Variants in FRMD4B observed in about 807,000 individuals in gnomAD.
FRMD4B encodes the protein FERM domain containing 4B.
FRMD4B carries 74 observed loss-of-function variants against 141.5 expected under a neutral mutation model. That is an observed-to-expected ratio of 0.52 (90% CI 0.43 to 0.63). FRMD4B has a LOEUF of 0.63. Among genes scored for constraint, FRMD4B ranks in the 30% least tolerant of loss-of-function variants. The probability of loss-of-function intolerance (pLI) is 0.00; values close to 1 mark genes in which losing one functional copy is unlikely to be tolerated. For synonymous variants in FRMD4B, 506 were observed against 467.9 expected, an observed-to-expected ratio of 1.08 and a Z score of -1.05; for missense variants, 1,366 against 1,253.4, an observed-to-expected ratio of 1.09 and a Z score of -1.36.
At chr3:69,265,992 T>A (rs1249186131) in intron 5 of FRMD4B, among the ~76,000 whole-genome samples, 1 of 151,786 alleles carries the variant, frequency 6.6e-6, no homozygotes, top group Non-Finnish European at 1.5e-5. Flanking sequence ...AGCACAGTAG[T>A]TCTAGACCAG....
intron 1 of FRMD4B, among the ~76,000 whole-genome samples, chr3:69,363,710 A>T (rs1703547291): frequency 6.6e-6 from 1 of 152,114 alleles, no homozygotes; most frequent in African/African-American, 2.4e-5. Flanking sequence ...ATTTTCAAGA[A>T]CAGACAGCTT....
At chr3:69,291,120 A>C (rs1188308331) in intron 4 of FRMD4B, among the ~76,000 whole-genome samples, 3 of 152,240 alleles carry the variant, frequency 2.0e-5, no homozygotes, top group African/African-American at 7.2e-5. Context: ...TAAAAGTTAG[A>C]GTAGTCTCAG....
intron 11 of FRMD4B, among the ~76,000 whole-genome samples, chr3:69,204,852 A>C (rs1484176152): frequency 2.6e-5 from 4 of 152,280 alleles, no homozygotes; most frequent in African/African-American, 9.6e-5. Flanking sequence ...CACATGGGGC[A>C]GTACTATTTT....
intron 1 of FRMD4B, among the ~76,000 whole-genome samples, chr3:69,317,936 A>AT (rs891610241): frequency 2.0e-5 from 3 of 151,682 alleles, no homozygotes; most frequent in African/African-American, 7.3e-5. Flanking sequence ...TAACAAATCC[A>AT]TTTTTTTCCC....
At position 69,379,717 on chromosome 3, in the gene FRMD4B, G is replaced by A. The variant is rs115107390; in HGVS notation, c.162+6111C>T. 9.0e-3 allele frequency among the ~76,000 whole-genome samples: 1,377 copies of A among 152,180 alleles called. 20 individuals are homozygous for A. Among genetic ancestry groups the A allele is most frequent in the African/African-American group, 0.031 (1,280 of 41,506 alleles). The stretch of plus-strand genomic sequence containing the variant: ...GGGATTGGCAAACTTTTTCTGTAAA[G>A]GGCTGGATAGTAAATATTTTCAGCT... On this transcript the variant is annotated intron_variant, in intron 1 of 22. Transcript: ENST00000398540.
At chr3:69,365,319 C>T (rs1703606428) in intron 1 of FRMD4B, among the ~76,000 whole-genome samples, 2 of 152,282 alleles carry the variant, frequency 1.3e-5, no homozygotes, top group South Asian at 2.1e-4. Context: ...CTCCAGTATT[C>T]CAAGTATCAT....
intron 2 of FRMD4B, among the ~76,000 whole-genome samples, chr3:69,406,955 C>T (rs1289508367): frequency 1.3e-5 from 2 of 148,414 alleles, no homozygotes; most frequent in Non-Finnish European, 3.0e-5. Context: ...GTTGTGTTGC[C>T]CAGGTTGGTC....
chr3:69,219,123 C>T (rs1284428112), intron 9 of FRMD4B, among the ~76,000 whole-genome samples: 1 of 143,592 alleles, frequency 7.0e-6, no homozygotes, highest in African/African-American at 2.6e-5. Flanking sequence ...CGAGATTGCA[C>T]TATTGCACTC....
intron 7 of FRMD4B, among the ~76,000 whole-genome samples, chr3:69,242,606 T>C (rs2093393935): frequency 6.9e-6 from 1 of 145,230 alleles, no homozygotes; most frequent in Non-Finnish European, 1.5e-5. Flanking sequence ...CAGCACTGAA[T>C]TGCAAAATGT....
chr3:69,296,514 A>G (rs774072831), intron 4 of FRMD4B, among the ~76,000 whole-genome samples: 2 of 152,176 alleles, frequency 1.3e-5, no homozygotes, highest in Non-Finnish European at 2.9e-5. Context: ...GTTAGGGGTC[A>G]TGGGTGATAC....
At chr3:69,332,742 A>AT (rs58437578) in intron 1 of FRMD4B, among the ~76,000 whole-genome samples, 948 of 67,564 alleles carry the variant, frequency 0.014, 60 homozygotes, top group African/African-American at 0.026. Flanking sequence ...ACACCTGGCT[A>AT]TTTTTTTTTT....
rs775213825 is a variant in FRMD4B at position 69,518,660 on chromosome 3, G to A, written c.-129+23546C>T. Among the ~76,000 whole-genome samples, 23 of 152,258 alleles carry A rather than the reference G, an allele frequency of 1.5e-4. 2 individuals carry two copies. The South Asian group carries it at 3.9e-3, about 26-fold the overall frequency. Reference sequence around the variant, plus strand: ...GCCACAGCTGGCTGGAGCAAAGATTGACCCCTGACCAAGCTAGACCAACCC... The same window carrying A: ...GCCACAGCTGGCTGGAGCAAAGATTAACCCCTGACCAAGCTAGACCAACCC... On this transcript the variant is annotated intron_variant, in intron 1 of 5. Transcript: ENST00000459638.
Position 69,189,222 on chromosome 3 carries a change from CAAAAAAAAAAAA to C in FRMD4B, c.1771+662_1771+673del, listed in dbSNP as rs71115659. 3.0e-4 allele frequency among the ~76,000 whole-genome samples: 12 copies of C among 39,774 alleles called. 1 individual carries two copies. The Admixed American group carries it at 3.5e-3, about 11-fold the overall frequency. The allele number at this position is 39,774 out of a possible 152,430, so 26.1% of individuals were successfully genotyped here. A position where few individuals can be genotyped will look rare whatever the true frequency, so the allele number is the denominator to read the frequency against. ...GGGCAACAAGAGCGAAACTCCATCT[CAAAAAAAAAAAA>C]AAAAAAAAAAAAGAGAGAGAGAGAC... On this transcript the variant is annotated intron_variant, in intron 18 of 22. Transcript: ENST00000398540.
At chr3:69,200,557 G>A in intron 11 of FRMD4B, 1 of 1,110,394 alleles carries the variant, frequency 9.0e-7, no homozygotes, top group East Asian at 6.7e-5. Flanking sequence ...TTCACAAACT[G>A]AGCCTCCCAC....
chr3:69,267,727 G>A lies in FRMD4B; in HGVS notation c.502-17628C>T, dbSNP rs536782770. 1.7e-4 allele frequency among the ~76,000 whole-genome samples: 25 copies of A among 147,786 alleles called. No individual in the cohort carries two copies. In the South Asian group the frequency reaches 5.2e-3, roughly 31 times the overall value. ...CCCCCCAGTCTATCTCTGCCTCCCG[G>A]GTTCAAGTGATTCTTGTGCCTTAGC... On this transcript the variant is annotated intron_variant, in intron 5 of 22. Transcript: ENST00000398540.
chr3:69,504,460 T>G (rs534652922), intron 1 of FRMD4B, among the ~76,000 whole-genome samples: 280 of 152,170 alleles, frequency 1.8e-3, no homozygotes, highest in African/African-American at 6.6e-3. Context: ...CTACACCGAG[T>G]GTAGTCATCC....
rs113752385 is a variant in FRMD4B, at chr3:69,190,391, C to A, written c.1715-439G>T. 2.4e-3 allele frequency among the ~76,000 whole-genome samples: 332 copies of A among 136,402 alleles called. 2 individuals carry two copies. Among genetic ancestry groups the A allele is most frequent in the African/African-American group, 8.0e-3 (314 of 39,386 alleles). 89.5% of individuals were successfully genotyped at this position (136,402 alleles called of 152,430 possible). ...AATATAACTTGGCTTTTGACCCCTC[C>A]CTGAAAGAAAAGGCCTTTTTTTTTT... is the stretch of plus-strand genomic sequence containing the variant. On this transcript the variant is annotated intron_variant, in intron 17 of 22. Transcript: ENST00000398540.
intron 1 of FRMD4B, among the ~76,000 whole-genome samples, chr3:69,474,654 G>A (rs1705952659): frequency 6.6e-6 from 1 of 152,118 alleles, no homozygotes; most frequent in Non-Finnish European, 1.5e-5. Flanking sequence ...TAGAAGATAT[G>A]TTCCAATACC....
At chr3:69,327,405 T>C (rs1004702390) in intron 1 of FRMD4B, among the ~76,000 whole-genome samples, 6 of 152,202 alleles carry the variant, frequency 3.9e-5, no homozygotes, top group Admixed American at 3.9e-4. Context: ...CTGGGCTCAA[T>C]GGAAGCCACT....
Sources: allele counts gnomAD v4.1 joint callset (sites outside exome capture counted in the v4.1 genomes callset), GRCh38; gene constraint gnomAD v4.1.1; transcripts MANE v1.5; gene names NCBI Gene and HGNC (gene_info 2026-07-23, HGNC 2026-07-21).